Variants in MYZAP observed in about 807,000 individuals in gnomAD.
MYZAP encodes the protein GRINL1A complex locus upstream.
In MYZAP, 66 loss-of-function variants were observed where a neutral mutation model predicts 69.4. The observed-to-expected ratio is 0.95, with a 90% confidence interval of 0.78 to 1.17. MYZAP has a LOEUF of 1.17. Among genes scored for constraint, MYZAP ranks in the 50% most tolerant of loss-of-function variants. MYZAP has a pLI of 0.00. For synonymous variants in MYZAP, 256 were observed against 205.9 expected, an observed-to-expected ratio of 1.24 and a Z score of -2.09; for missense variants, 611 against 556.2, an observed-to-expected ratio of 1.10 and a Z score of -0.99.
chr15:57,635,564 T>C (rs1158928730), intron 8 of MYZAP, among the ~76,000 whole-genome samples: 2 of 152,242 alleles, frequency 1.3e-5, no homozygotes, highest in Non-Finnish European at 2.9e-5. Flanking sequence ...CCAAGTGGTG[T>C]TGGCTTCTTC....
At chr15:57,600,489 C>G (rs1008091413) in intron 1 of MYZAP, among the ~76,000 whole-genome samples, 4 of 152,128 alleles carry the variant, frequency 2.6e-5, no homozygotes, top group Non-Finnish European at 4.4e-5. Flanking sequence ...ATAAGGGTTG[C>G]CCAGCTCATC....
At chr15:57,676,129 T>G (rs915251892) in intron 12 of MYZAP, among the ~76,000 whole-genome samples, 1 of 152,106 alleles carries the variant, frequency 6.6e-6, no homozygotes, top group Non-Finnish European at 1.5e-5. Context: ...GTTTCTCAAC[T>G]TCTAAAGTCA....
intron 10 of MYZAP, among the ~76,000 whole-genome samples, chr15:57,658,365 A>T (rs1192478282): frequency 6.6e-6 from 1 of 152,178 alleles, no homozygotes; most frequent in African/African-American, 2.4e-5. Context: ...AACAAAATTA[A>T]TGATAATTCC....
chr15:57,604,300 C>A lies in MYZAP; in HGVS notation c.107C>A (p.Pro36His). The A allele has an allele frequency of 6.2e-7, 1 of 1,614,212 alleles. No homozygotes were observed. Among genetic ancestry groups the A allele is most frequent in the Non-Finnish European group, 8.5e-7 (1 of 1,180,030 alleles). ...ANVCRLRLTV[P>H]PESPVPEQCE... Reference sequence around the variant, plus strand: ...GTTTGCAGACTACGGCTGACCGTACCTCCTGAGAGTCCAGTTCCTGAGCAA... The same window carrying A: ...GTTTGCAGACTACGGCTGACCGTACATCCTGAGAGTCCAGTTCCTGAGCAA... Residue 36 changes from proline (P) to histidine (H), a missense_variant, in exon 2 of 13, where the codon CCT becomes CAT. Physicochemically the swap from Pro to His is moderately conservative, Grantham distance 77. Coordinates refer to ENST00000267853, the MANE Select transcript of MYZAP (RefSeq NM_001018100.5).
At chr15:57,624,124 G>C (rs143133466) in intron 4 of MYZAP, among the ~76,000 whole-genome samples, 2,253 of 152,286 alleles carry the variant, frequency 0.015, 31 homozygotes, top group South Asian at 0.045. Flanking sequence ...ATTACCTACT[G>C]AAAAATTTAA....
chr15:57,592,763 G>A (rs1210651346), intron 1 of MYZAP, among the ~76,000 whole-genome samples: 2 of 152,164 alleles, frequency 1.3e-5, no homozygotes, highest in East Asian at 3.9e-4. Flanking sequence ...GATCTTTGTG[G>A]CATCTTTTCC....
At chr15:57,648,420 G>A in intron 10 of MYZAP, 1 of 985,400 alleles carries the variant, frequency 1.0e-6, no homozygotes, top group Non-Finnish European at 1.2e-6. Context: ...GTGAGGCTGA[G>A]TAATTCATGT....
intron 10 of MYZAP, among the ~76,000 whole-genome samples, chr15:57,645,172 T>C (rs2037378926): frequency 6.6e-6 from 1 of 152,216 alleles, no homozygotes; most frequent in Non-Finnish European, 1.5e-5. Context: ...AGAATATTAT[T>C]TGTGATTCCT....
chr15:57,607,517 G>T (rs953517588), intron 2 of MYZAP, among the ~76,000 whole-genome samples: 1 of 152,172 alleles, frequency 6.6e-6, no homozygotes, highest in Admixed American at 6.5e-5. Flanking sequence ...AGCAAAAGTG[G>T]TACTAACGGG....
At chr15:57,617,876 C>G (rs756679714) in intron 2 of MYZAP, among the ~76,000 whole-genome samples, 157 bp from the exon 3 acceptor site, 4 of 152,168 alleles carry the variant, frequency 2.6e-5, no homozygotes, top group Non-Finnish European at 4.4e-5. Flanking sequence ...CCTTGGTGAA[C>G]AGAGACTAGA....
At chr15:57,593,188 G>GCATGCGCGCGCGCGCACACA in intron 1 of MYZAP, among the ~76,000 whole-genome samples, 36 of 114,202 alleles carry the variant, frequency 3.2e-4, no homozygotes, top group African/African-American at 6.4e-4. Flanking sequence ...GTACACAGGC[G>GCATGCGCGCGCGCGCACACA]CACACACACA....
At chr15:57,643,574 C>T (rs918324383) in intron 10 of MYZAP, among the ~76,000 whole-genome samples, 8 of 152,194 alleles carry the variant, frequency 5.3e-5, no homozygotes, top group Non-Finnish European at 1.2e-4. Context: ...CTGCTCTCAC[C>T]ATGGCTCTCC....
rs147301839 is a variant in MYZAP, at chr15:57,632,516, A to G, written c.761A>G (p.Gln254Arg). 2.5e-6 allele frequency: 4 copies of G among 1,614,244 alleles called. No individual in the cohort carries two copies. In the South Asian group the frequency reaches 4.4e-5, roughly 18 times the overall value. ...KLYSQYEEKL[Q>R]EEQRKHSAEK... ...TACAGCCAGTATGAGGAGAAGCTGC[A>G]GGAAGAACAGAGGAAGCACAGTGCT... The change falls in exon 7 of 13, where the codon CAG (glutamine) becomes CGG (arginine). Residue 254 changes from glutamine (Q) to arginine (R), a missense_variant. Coordinates refer to ENST00000267853, the MANE Select transcript of MYZAP (RefSeq NM_001018100.5).
chr15:57,681,872 T>A (rs2039464622), intron 12 of MYZAP, among the ~76,000 whole-genome samples: 1 of 151,914 alleles, frequency 6.6e-6, no homozygotes, highest in Non-Finnish European at 1.5e-5. Flanking sequence ...ATATGGAGAA[T>A]CTCCTGGGGG....
intron 10 of MYZAP, among the ~76,000 whole-genome samples, chr15:57,655,393 A>C (rs1314120835): frequency 6.6e-6 from 1 of 152,190 alleles, no homozygotes; most frequent in African/African-American, 2.4e-5. Context: ...GCACAGCGGA[A>C]GGGCCTCCCG....
rs1013872576 is a variant in MYZAP at position 57,592,071 on chromosome 15, G to C, written c.37G>C (p.Gly13Arg). The C allele has an allele frequency of 1.3e-5, 18 of 1,392,880 alleles. No individual in the cohort carries two copies. In the African/African-American group the frequency reaches 2.7e-4, roughly 21 times the overall value. The allele number at this position is 1,392,880 out of a possible 1,614,324, so 86.3% of individuals were successfully genotyped here. A position where few individuals can be genotyped will look rare whatever the true frequency, so the allele number is the denominator to read the frequency against. ...CACGTCCACGGTCACCCTGCTCTCG[G>C]GCGGCGCCGCCAGGACGCCCGGGGC... ...RSTSTVTLLSGGAARTPGAPS... is the reference protein window; with the variant it reads ...RSTSTVTLLSRGAARTPGAPS... The change falls in exon 1 of 13, where the codon GGC becomes CGC. Residue 13 changes from glycine (G) to arginine (R), a missense_variant. Coordinates refer to ENST00000267853, the MANE Select transcript of MYZAP (RefSeq NM_001018100.5).
chr15:57,638,785 T>G (rs2036963237), intron 9 of MYZAP, among the ~76,000 whole-genome samples: 1 of 152,246 alleles, frequency 6.6e-6, no homozygotes, highest in Admixed American at 6.5e-5. Context: ...GTAGAGCAAC[T>G]GTGATTCCAG....
chr15:57,652,471 C>A (rs1216395373), intron 10 of MYZAP, among the ~76,000 whole-genome samples: 7 of 152,082 alleles, frequency 4.6e-5, no homozygotes, highest in African/African-American at 1.7e-4. Flanking sequence ...AATACAGTAA[C>A]TATGAAATTA....
chr15:57,618,226 C>CT, intron 3 of MYZAP, 38 bp downstream of exon 3: 1 of 1,603,498 alleles, frequency 6.2e-7, no homozygotes, highest in Non-Finnish European at 8.5e-7. Context: ...CACCTGTATT[C>CT]TTTTTGTAGC....
Sources: allele counts gnomAD v4.1 joint callset (sites outside exome capture counted in the v4.1 genomes callset), GRCh38; gene constraint gnomAD v4.1.1; transcripts MANE v1.5; gene names NCBI Gene and HGNC (gene_info 2026-07-23, HGNC 2026-07-21).